Variants in BTBD9 observed in about 807,000 individuals in gnomAD.
BTBD9 encodes the protein BTB/POZ domain-containing protein 9.
Under a neutral mutation model 64.3 loss-of-function variants are expected in BTBD9, and 49 were observed. The observed-to-expected ratio is 0.76, with a 90% CI of 0.61 to 0.97. The LOEUF is 0.97. Among genes scored for constraint, BTBD9 ranks in the 50% least tolerant of loss-of-function variants. The pLI, the probability that BTBD9 is intolerant of heterozygous loss-of-function variation, is 0.00. For synonymous variants in BTBD9, 260 were observed against 274.7 expected, an observed-to-expected ratio of 0.95 and a Z score of 0.53; for missense variants, 598 against 762.1, an observed-to-expected ratio of 0.78 and a Z score of 2.53.
chr6:38,549,790 A>G (rs4254983), intron 6 of BTBD9, among the ~76,000 whole-genome samples: 31,143 of 151,954 alleles, frequency 0.2, 3,678 homozygotes, highest in Non-Finnish European at 0.29. Context: ...ACCTACTCCT[A>G]TTCAGCTTTC....
intron 4 of BTBD9, among the ~76,000 whole-genome samples, chr6:38,584,758 C>G (rs1415388038): frequency 2.0e-5 from 3 of 152,102 alleles, no homozygotes; most frequent in Non-Finnish European, 4.4e-5. Flanking sequence ...TGAATAATCC[C>G]CAAGAACTGC....
chr6:38,245,108 C>T (rs899895462), intron 9 of BTBD9, among the ~76,000 whole-genome samples: 6 of 152,262 alleles, frequency 3.9e-5, no homozygotes, highest in African/African-American at 1.4e-4. Flanking sequence ...CATACTGACC[C>T]CTACAAGTGT....
intron 7 of BTBD9, among the ~76,000 whole-genome samples, chr6:38,314,757 A>C (rs926583724): frequency 5.3e-5 from 8 of 152,094 alleles, no homozygotes; most frequent in Admixed American, 1.3e-4. Flanking sequence ...AGGTTTTCCA[A>C]TTTATTGGCA....
chr6:38,256,658 T>A (rs555915309), intron 8 of BTBD9, 142 bp from the exon 9 acceptor site: 1 of 601,702 alleles, frequency 1.7e-6, no homozygotes, highest in South Asian at 2.1e-5. Context: ...CAAAAAAGTA[T>A]GAAGAGAACA....
chr6:38,535,854 T>C (rs1428127505), intron 6 of BTBD9, among the ~76,000 whole-genome samples: 2 of 151,948 alleles, frequency 1.3e-5, no homozygotes, highest in African/African-American at 2.4e-5. Context: ...TCAAAATGGA[T>C]TAAAGACTTA....
Position 38,295,824 on chromosome 6 carries a change from G to A in BTBD9, c.1265-7363C>T, listed in dbSNP as rs184681303. On this transcript the variant is annotated intron_variant, in intron 7 of 10. Transcript: ENST00000481247. The stretch of plus-strand genomic sequence containing the variant: ...AGCTCTTTGGGAGGCGGAGGCAGGC[G>A]GAGCACTTGAGGCCAGGAGTTTGAG... Among the ~76,000 whole-genome samples the A allele has an allele frequency of 1.4e-4, 22 of 152,232 alleles. No homozygotes were observed. The East Asian group carries it at 3.9e-3, about 27-fold the overall frequency.
In BTBD9 at chr6:38,556,000, G is replaced by A. The variant is rs547397511; in HGVS notation, c.1154+21600C>T. ...GTTTGAGTGGGAACTAATTTTACACGTGGACAGTTCATTAGTGAACATTTT... is the reference window on the plus strand; with the variant it reads ...GTTTGAGTGGGAACTAATTTTACACATGGACAGTTCATTAGTGAACATTTT... On this transcript the variant is annotated intron_variant, in intron 6 of 10. Transcript: ENST00000481247. Among the ~76,000 whole-genome samples the A allele has an allele frequency of 8.5e-5, 13 of 152,298 alleles. 1 individual carries two copies. The highest frequency in any genetic ancestry group is 7.7e-4 in the East Asian group (4 of 5,188).
At chr6:38,332,613 T>C (rs559616565) in intron 7 of BTBD9, among the ~76,000 whole-genome samples, 1 of 152,280 alleles carries the variant, frequency 6.6e-6, no homozygotes, top group South Asian at 2.1e-4. Context: ...TTTCAGGCTT[T>C]TTTAAGGGGA....
intron 6 of BTBD9, among the ~76,000 whole-genome samples, chr6:38,548,539 G>A (rs1405515130): frequency 6.6e-6 from 1 of 151,980 alleles, no homozygotes; most frequent in Admixed American, 6.6e-5. Context: ...TCAAAATCGT[G>A]CATTCCTAGA....
intron 6 of BTBD9, among the ~76,000 whole-genome samples, chr6:38,353,346 TAGAG>T (rs990430735): frequency 6.7e-6 from 1 of 149,752 alleles, no homozygotes; most frequent in Non-Finnish European, 1.5e-5. Context: ...CAAGGGATTA[TAGAG>T]AGAGAAAATG....
At chr6:38,193,819 T>C in intron 9 of BTBD9, 1 of 985,384 alleles carries the variant, frequency 1.0e-6, no homozygotes, top group Non-Finnish European at 1.2e-6. Flanking sequence ...AGTTTGTTTT[T>C]CCCCCTTTGG....
chr6:38,331,547 G>C (rs2127581820), intron 7 of BTBD9, among the ~76,000 whole-genome samples: 1 of 152,276 alleles, frequency 6.6e-6, no homozygotes, highest in East Asian at 1.9e-4. Flanking sequence ...CTAGGCTAAT[G>C]CAAGTTGAAA....
At chr6:38,438,731 T>C (rs1376190298) in intron 6 of BTBD9, among the ~76,000 whole-genome samples, 1 of 150,936 alleles carries the variant, frequency 6.6e-6, no homozygotes, top group Non-Finnish European at 1.5e-5. Flanking sequence ...TTCATTTTAG[T>C]GGGGAAAGAT....
At chr6:38,366,502 T>G (rs1031001535) in intron 6 of BTBD9, among the ~76,000 whole-genome samples, 2 of 152,252 alleles carry the variant, frequency 1.3e-5, no homozygotes, top group Non-Finnish European at 2.9e-5. Flanking sequence ...ATACAAAGCA[T>G]GTATATACTG....
intron 8 of BTBD9, among the ~76,000 whole-genome samples, chr6:38,261,536 T>C (rs972080204): frequency 4.6e-5 from 7 of 152,244 alleles, no homozygotes; most frequent in African/African-American, 1.7e-4. Context: ...TTTAACTTAT[T>C]GAGCTTGAAC....
intron 6 of BTBD9, among the ~76,000 whole-genome samples, chr6:38,373,970 T>C (rs577177707): frequency 6.6e-6 from 1 of 151,936 alleles, no homozygotes; most frequent in African/African-American, 2.4e-5. Flanking sequence ...AAAAATCAGC[T>C]TTTTAAATAT....
chr6:38,303,858 T>TATATATAG, intron 7 of BTBD9, among the ~76,000 whole-genome samples: 1 of 122,250 alleles, frequency 8.2e-6, no homozygotes, highest in South Asian at 2.7e-4. Flanking sequence ...TATATATATA[T>TATATATAG]ATATATATAT....
intron 6 of BTBD9, among the ~76,000 whole-genome samples, chr6:38,564,814 C>T (rs1046309000): frequency 4.6e-5 from 7 of 152,096 alleles, no homozygotes; most frequent in African/African-American, 1.7e-4. Flanking sequence ...ATCGCATGAA[C>T]CCGGGAGGCA....
At chr6:38,492,235 T>A (rs1227784780) in intron 6 of BTBD9, among the ~76,000 whole-genome samples, 1 of 152,176 alleles carries the variant, frequency 6.6e-6, no homozygotes, top group Non-Finnish European at 1.5e-5. Context: ...CCTTCAGGAC[T>A]GCACCCTAAG....
Sources: allele counts gnomAD v4.1 joint callset (sites outside exome capture counted in the v4.1 genomes callset), GRCh38; gene constraint gnomAD v4.1.1; transcripts MANE v1.5; gene names NCBI Gene and HGNC (gene_info 2026-07-23, HGNC 2026-07-21).